PDE1A: variants seen among roughly 807,000 people sequenced by gnomAD.
PDE1A encodes phosphodiesterase 1A.
In PDE1A, 35 loss-of-function variants were observed where a neutral mutation model predicts 61.7. The ratio of observed to expected loss-of-function variants is 0.57; its 90% CI spans 0.43 to 0.75. PDE1A has a LOEUF of 0.75. PDE1A is among the 30% of genes least tolerant of loss of function. PDE1A has a pLI of 0.00. For missense variants in PDE1A, 597 were observed against 630.6 expected, an observed-to-expected ratio of 0.95 and a Z score of 0.57; for synonymous variants, 232 against 213.2, an observed-to-expected ratio of 1.09 and a Z score of -0.77.
intron 1 of PDE1A, among the ~76,000 whole-genome samples, chr2:182,282,317 C>T (rs1693862706): frequency 6.6e-6 from 1 of 151,968 alleles, no homozygotes; most frequent in Non-Finnish European, 1.5e-5. Flanking sequence ...AGCCTCCTTA[C>T]ATACAAGCCT....
chr2:182,469,131 T>C (rs1386367784), intron 2 of PDE1A, among the ~76,000 whole-genome samples: 1 of 151,794 alleles, frequency 6.6e-6, no homozygotes, highest in African/African-American at 2.4e-5. Context: ...GACAGGGGAG[T>C]TACCCAGGCT....
intron 13 of PDE1A, among the ~76,000 whole-genome samples, chr2:182,185,134 A>C (rs960081036): frequency 6.6e-6 from 1 of 152,106 alleles, no homozygotes; most frequent in African/African-American, 2.4e-5. Context: ...ACAAGGAAAA[A>C]ATTTCTGGCT....
chr2:182,335,970 C>T (rs988946178), intron 1 of PDE1A, among the ~76,000 whole-genome samples: 2 of 152,102 alleles, frequency 1.3e-5, no homozygotes, highest in Non-Finnish European at 2.9e-5. Context: ...TATGAACAGA[C>T]ACTTATCAAA....
chr2:182,552,043 T>C, the PDE1A span, among the ~76,000 whole-genome samples: 1 of 152,154 alleles, frequency 6.6e-6, no homozygotes, highest in African/African-American at 2.4e-5. Flanking sequence ...CAATGATCAC[T>C]ACCAGCCAGC....
chr2:182,476,124 G>C (rs189929455), intron 2 of PDE1A, among the ~76,000 whole-genome samples: 2 of 151,956 alleles, frequency 1.3e-5, no homozygotes, highest in Admixed American at 6.6e-5. Context: ...ATTTAAAGGT[G>C]AAATATCACA....
chr2:182,539,850 A>G, the PDE1A span, among the ~76,000 whole-genome samples: 1 of 152,248 alleles, frequency 6.6e-6, no homozygotes, highest in African/African-American at 2.4e-5. Flanking sequence ...TTTTATGCAG[A>G]TATGGAGTAA....
At chr2:182,587,616 A>C in the PDE1A span, among the ~76,000 whole-genome samples, 1 of 152,240 alleles carries the variant, frequency 6.6e-6, no homozygotes, top group Non-Finnish European at 1.5e-5. Flanking sequence ...AAAGAAAGTT[A>C]ATTGCCATTT....
chr2:182,348,136 C>T (rs1179855053), intron 1 of PDE1A, among the ~76,000 whole-genome samples: 1 of 152,116 alleles, frequency 6.6e-6, no homozygotes. Flanking sequence ...TGGCTATAAT[C>T]ACAGATCTTT....
intron 1 of PDE1A, among the ~76,000 whole-genome samples, chr2:182,405,038 A>G (rs1702224944): frequency 6.6e-6 from 1 of 152,250 alleles, no homozygotes; most frequent in Non-Finnish European, 1.5e-5. Context: ...GTTTGTTTAC[A>G]TCAGCATCAC....
chr2:182,455,414 T>C (rs1372429415), intron 2 of PDE1A, among the ~76,000 whole-genome samples: 2 of 151,580 alleles, frequency 1.3e-5, no homozygotes, highest in Non-Finnish European at 2.9e-5. Flanking sequence ...TGGGTATATA[T>C]CCAAAGGATT....
intron 1 of PDE1A, among the ~76,000 whole-genome samples, chr2:182,267,766 G>T (rs73032429): frequency 6.6e-6 from 1 of 150,722 alleles, no homozygotes; most frequent in African/African-American, 2.4e-5. Flanking sequence ...ATCTTATTTC[G>T]GCTATTATTT....
intron 1 of PDE1A, among the ~76,000 whole-genome samples, chr2:182,357,174 G>A (rs1429567353): frequency 1.3e-5 from 2 of 149,062 alleles, no homozygotes; most frequent in Non-Finnish European, 3.0e-5. Context: ...AAAACTTAAA[G>A]TATAATAAAA....
At chr2:182,635,336 G>A in the PDE1A span, among the ~76,000 whole-genome samples, 4 of 151,810 alleles carry the variant, frequency 2.6e-5, no homozygotes, top group African/African-American at 7.3e-5. Context: ...CGCCTTCCCA[G>A]TAACAATTGT....
chr2:182,359,844 G>A (rs949206189), intron 1 of PDE1A, among the ~76,000 whole-genome samples: 3 of 152,028 alleles, frequency 2.0e-5, no homozygotes, highest in Admixed American at 6.6e-5. Flanking sequence ...AACATTAGCC[G>A]GCAAAGAAGG....
intron 2 of PDE1A, among the ~76,000 whole-genome samples, chr2:182,260,047 T>A (rs1692113727): frequency 6.6e-6 from 1 of 152,216 alleles, no homozygotes; most frequent in Non-Finnish European, 1.5e-5. Flanking sequence ...TTATCTCCAC[T>A]AAGAGTCAGA....
chr2:182,551,950 G>C, the PDE1A span, among the ~76,000 whole-genome samples: 1 of 152,170 alleles, frequency 6.6e-6, no homozygotes, highest in Non-Finnish European at 1.5e-5. Context: ...TATACTCAGA[G>C]AAGCTAGAGA....
chr2:182,573,450 C>T, the PDE1A span, among the ~76,000 whole-genome samples: 1 of 151,996 alleles, frequency 6.6e-6, no homozygotes, highest in Admixed American at 6.6e-5. Context: ...CTAGTCTCTT[C>T]AAAAAGCTAA....
the PDE1A span, among the ~76,000 whole-genome samples, chr2:182,651,028 T>A: frequency 6.6e-6 from 1 of 152,172 alleles, no homozygotes. Flanking sequence ...TTTTTCCAGA[T>A]GGAGTTTCGC....
chr2:182,261,231 A>G (rs1281983301), intron 2 of PDE1A, among the ~76,000 whole-genome samples: 1 of 152,210 alleles, frequency 6.6e-6, no homozygotes, highest in Non-Finnish European at 1.5e-5. Flanking sequence ...GGAGTACTAA[A>G]TAAGAAGTCA....
Sources: allele counts gnomAD v4.1 joint callset (sites outside exome capture counted in the v4.1 genomes callset), GRCh38; gene constraint gnomAD v4.1.1; transcripts MANE v1.5; gene names NCBI Gene and HGNC (gene_info 2026-07-23, HGNC 2026-07-21).